GRIN2A: variants seen among roughly 807,000 people sequenced by gnomAD.
The protein encoded by GRIN2A is glutamate receptor ionotropic, NMDA 2A.
Under a neutral mutation model 113.4 loss-of-function variants are expected in GRIN2A, and 22 were observed. That is an observed-to-expected ratio of 0.19 (90% CI 0.14 to 0.28). The LOEUF (loss-of-function observed/expected upper bound fraction) is 0.28. GRIN2A is among the 10% of genes least tolerant of loss of function. GRIN2A has a pLI of 1.00. For synonymous variants in GRIN2A, 827 were observed against 738.4 expected, an observed-to-expected ratio of 1.12 and a Z score of -1.94; for missense variants, 1,502 against 1,887.0, an observed-to-expected ratio of 0.80 and a Z score of 3.78.
intron 2 of GRIN2A, among the ~76,000 whole-genome samples, chr16:10,121,165 A>T (rs74691082): frequency 6.7e-6 from 1 of 149,004 alleles, no homozygotes. Context: ...GCTACACTGT[A>T]TCACACACAC....
At chr16:10,108,226 G>T (rs2048534766) in intron 2 of GRIN2A, among the ~76,000 whole-genome samples, 1 of 152,212 alleles carries the variant, frequency 6.6e-6, no homozygotes, top group African/African-American at 2.4e-5. Flanking sequence ...GAAGGTGCAA[G>T]TCAAGTCTTA....
At chr16:10,049,479 G>C (rs111845729) in intron 2 of GRIN2A, among the ~76,000 whole-genome samples, 3,601 of 151,980 alleles carry the variant, frequency 0.024, 161 homozygotes, top group African/African-American at 0.083. Context: ...CCAGGTTCAA[G>C]CGATTCTCCT....
intron 4 of GRIN2A, among the ~76,000 whole-genome samples, chr16:9,850,553 A>T (rs1379843483): frequency 6.6e-6 from 1 of 152,204 alleles, no homozygotes; most frequent in Non-Finnish European, 1.5e-5. Context: ...AAGATGAAGG[A>T]AAAGAGAAAA....
intron 2 of GRIN2A, among the ~76,000 whole-genome samples, chr16:10,136,365 C>T (rs763528825): frequency 6.6e-6 from 1 of 152,174 alleles, no homozygotes; most frequent in Non-Finnish European, 1.5e-5. Context: ...GCAACAAAAA[C>T]TTCAAGGAGG....
At chr16:9,999,845 G>C (rs940619579) in intron 2 of GRIN2A, among the ~76,000 whole-genome samples, 1 of 152,248 alleles carries the variant, frequency 6.6e-6, no homozygotes, top group Non-Finnish European at 1.5e-5. Context: ...AATTCCACAA[G>C]CACAACGACT....
At chr16:9,793,248 C>G (rs957928687) in intron 11 of GRIN2A, among the ~76,000 whole-genome samples, 1 of 152,106 alleles carries the variant, frequency 6.6e-6, no homozygotes, top group African/African-American at 2.4e-5. Context: ...ACAATTTTTT[C>G]CTTCCCTTTT....
chr16:9,828,927 C>G (rs990505954), intron 9 of GRIN2A, among the ~76,000 whole-genome samples: 2 of 152,208 alleles, frequency 1.3e-5, no homozygotes, highest in African/African-American at 4.8e-5. Flanking sequence ...GATGCTGAGA[C>G]TGATTTGGCT....
intron 2 of GRIN2A, among the ~76,000 whole-genome samples, chr16:10,082,439 G>A (rs1259342051): frequency 6.6e-6 from 1 of 152,206 alleles, no homozygotes; most frequent in Non-Finnish European, 1.5e-5. Context: ...AGGTGAACCT[G>A]TGAATATGAT....
intron 2 of GRIN2A, among the ~76,000 whole-genome samples, chr16:10,043,728 C>T (rs1452526936): frequency 6.6e-6 from 1 of 151,942 alleles, no homozygotes; most frequent in African/African-American, 2.4e-5. Context: ...AACCTGCCCC[C>T]ATCAGCCAAG....
intron 2 of GRIN2A, among the ~76,000 whole-genome samples, chr16:10,060,408 G>A (rs1359878465): frequency 6.6e-6 from 1 of 152,092 alleles, no homozygotes; most frequent in Non-Finnish European, 1.5e-5. Flanking sequence ...AGAAAATTAA[G>A]GCTCAGCAAG....
chr16:10,033,686 C>G (rs1006388561), intron 2 of GRIN2A: 4 of 152,290 alleles, frequency 2.6e-5, no homozygotes, highest in African/African-American at 9.7e-5. Context: ...GTGAACAAAG[C>G]TATCCATGCA....
chr16:9,980,923 G>C (rs957392515), intron 2 of GRIN2A, among the ~76,000 whole-genome samples: 1 of 151,442 alleles, frequency 6.6e-6, no homozygotes, highest in East Asian at 2.0e-4. Context: ...CACCAACATG[G>C]CACATGTACA....
intron 4 of GRIN2A, among the ~76,000 whole-genome samples, chr16:9,887,044 G>A (rs143581227): frequency 1.3e-5 from 2 of 152,154 alleles, no homozygotes; most frequent in East Asian, 1.9e-4. Context: ...CCACCACCAT[G>A]CCGGGCTAAT....
At chr16:9,948,544 G>A (rs12446245) in intron 2 of GRIN2A, among the ~76,000 whole-genome samples, 47,765 of 152,094 alleles carry the variant, frequency 0.31, 7,666 homozygotes, top group Non-Finnish European at 0.33. Flanking sequence ...ATCCCAGGGA[G>A]GACTAGGCAA....
chr16:9,914,923 TTTTTTTTTTTTTTTTTTTTTTTTTTTTTA>T (rs2044215195), intron 3 of GRIN2A, among the ~76,000 whole-genome samples: 1 of 77,052 alleles, frequency 1.3e-5, no homozygotes, highest in East Asian at 3.7e-4. Flanking sequence ...TTTTTTTTTT[TTTTTTTTTTTTTTTTTTTTTTTTTTTTTA>T]ATGAGACGGA....
chr16:9,756,586 C>T lies in GRIN2A; in HGVS notation c.*6563G>A, dbSNP rs927863177. On this transcript the variant is annotated 3_prime_UTR_variant, in exon 13 of 13. Transcript: ENST00000330684. ...TTTACTAGCTAATTCTAGTTGCTGA[C>T]GAGGTTGAGAAAAACCTGAGCCTCA... 4 of 199,860 alleles carry T rather than the reference C, an allele frequency of 2.0e-5. No homozygotes were observed. The highest frequency in any genetic ancestry group is 4.6e-5 in the African/African-American group (2 of 43,458). 12.4% of individuals were successfully genotyped at this position (199,860 alleles called of 1,614,324 possible). A position where few individuals can be genotyped will look rare whatever the true frequency, so the allele number is the denominator to read the frequency against.
intron 2 of GRIN2A, among the ~76,000 whole-genome samples, chr16:10,079,647 G>C (rs1251806555): frequency 6.6e-6 from 1 of 152,174 alleles, no homozygotes; most frequent in Non-Finnish European, 1.5e-5. Flanking sequence ...AGCCATCTAT[G>C]AAAAAGGAAG....
intron 2 of GRIN2A, among the ~76,000 whole-genome samples, chr16:10,082,752 G>A (rs186881610): frequency 1.4e-4 from 21 of 152,286 alleles, no homozygotes; most frequent in South Asian, 4.2e-4. Context: ...GTTGGTGGTC[G>A]GTTGTTACAC....
chr16:9,856,498 T>G (rs567960918), intron 4 of GRIN2A, among the ~76,000 whole-genome samples: 420 of 151,206 alleles, frequency 2.8e-3, no homozygotes, highest in African/African-American at 8.5e-3. Context: ...GGTGGTAGGC[T>G]CCTGTAGTCC....
Sources: allele counts gnomAD v4.1 joint callset (sites outside exome capture counted in the v4.1 genomes callset), GRCh38; gene constraint gnomAD v4.1.1; transcripts MANE v1.5; gene names NCBI Gene and HGNC (gene_info 2026-07-23, HGNC 2026-07-21).